Variants in VPS36 observed in about 807,000 individuals in gnomAD.
The protein encoded by VPS36 is vacuolar protein sorting 36 homolog, also known as vacuolar protein-sorting-associated protein 36.
Under a neutral mutation model 63.5 loss-of-function variants are expected in VPS36, and 31 were observed. The observed-to-expected ratio is 0.49, with a 90% CI of 0.37 to 0.66. The LOEUF (loss-of-function observed/expected upper bound fraction) is 0.66. Among genes scored for constraint, VPS36 ranks in the 30% least tolerant of loss-of-function variants. The pLI is 0.00. For missense variants in VPS36, 338 were observed against 463.7 expected (o/e 0.73, Z 2.49); for synonymous variants, 138 against 157.2 (o/e 0.88, Z 0.91).
intron 1 of VPS36, 58 bp downstream of exon 1, chr13:52,450,441 G>T (rs1958390702): frequency 6.6e-7 from 1 of 1,515,518 alleles, no homozygotes; most frequent in Admixed American, 2.0e-5. Flanking sequence ...GAGCCGGGCC[G>T]CGCGCCCACC....
At chr13:52,445,581 G>C (rs1472284883) in intron 1 of VPS36, among the ~76,000 whole-genome samples, 3 of 144,802 alleles carry the variant, frequency 2.1e-5, no homozygotes, top group African/African-American at 7.8e-5. Context: ...GGAGCTTGCA[G>C]AGAGCTGAGA....
intron 2 of VPS36, among the ~76,000 whole-genome samples, chr13:52,440,266 C>T (rs1012663769): frequency 6.6e-6 from 1 of 152,022 alleles, no homozygotes; most frequent in Admixed American, 6.6e-5. Flanking sequence ...AGGCATGAGC[C>T]ACTGTGTCTA....
chr13:52,448,900 G>A (rs1958371090), intron 1 of VPS36, among the ~76,000 whole-genome samples: 1 of 152,162 alleles, frequency 6.6e-6, no homozygotes, highest in Non-Finnish European at 1.5e-5. Context: ...CAAAGGGGAG[G>A]CAAAATCAAA....
At chr13:52,429,920 A>C (rs1197257642) in intron 6 of VPS36, among the ~76,000 whole-genome samples, 1 of 152,148 alleles carries the variant, frequency 6.6e-6, no homozygotes, top group Admixed American at 6.6e-5. Context: ...ATTCACCAGA[A>C]AGGAAGGCAG....
chr13:52,450,202 C>G, intron 1 of VPS36: 3 of 1,047,418 alleles, frequency 2.9e-6, no homozygotes, highest in Non-Finnish European at 3.4e-6. Flanking sequence ...GGCACTGCAG[C>G]TGTGCGCTCC....
chr13:52,433,512 G>T, intron 6 of VPS36, 150 bp downstream of exon 6: 1 of 572,590 alleles, frequency 1.7e-6, no homozygotes, highest in Non-Finnish European at 2.9e-6. Flanking sequence ...TTGCCAGCCC[G>T]AGGTAGACCT....
chr13:52,425,448 G>T (rs61958051), intron 9 of VPS36, among the ~76,000 whole-genome samples: 6,023 of 152,156 alleles, frequency 0.04, 133 homozygotes, highest in South Asian at 0.07. Flanking sequence ...TTGAGTGGAG[G>T]TTGGTTTACA....
At position 52,415,804 on chromosome 13, in the gene VPS36, C is replaced by A; in HGVS notation, c.*26G>T. 1 of 1,609,210 alleles carries A rather than the reference C, an allele frequency of 6.2e-7. No individual in the cohort carries two copies. The highest frequency in any genetic ancestry group is 1.1e-5 in the South Asian group (1 of 90,312). ...CCTCTACATGACGCAAGCATATGGA[C>A]AAAAAGGATTTTAAATACAAAACCC... On this transcript the variant is annotated 3_prime_UTR_variant, in exon 14 of 14. Coordinates refer to ENST00000378060, the MANE Select transcript of VPS36 (RefSeq NM_016075.4).
chr13:52,428,452 T>G (rs576014974), intron 6 of VPS36, among the ~76,000 whole-genome samples: 17 of 152,326 alleles, frequency 1.1e-4, no homozygotes, highest in Middle Eastern at 6.8e-3. Context: ...TGTTGCGTAT[T>G]CTTATGGCCA....
chr13:52,419,151 G>T (rs1011936989), intron 10 of VPS36, among the ~76,000 whole-genome samples: 1 of 152,204 alleles, frequency 6.6e-6, no homozygotes, highest in Non-Finnish European at 1.5e-5. Flanking sequence ...CAGAGCAGGG[G>T]CTTAATTCAT....
intron 6 of VPS36, among the ~76,000 whole-genome samples, chr13:52,427,576 C>T (rs1958115573): frequency 1.3e-5 from 2 of 149,908 alleles, no homozygotes; most frequent in Admixed American, 1.3e-4. Context: ...CACTGCGCTC[C>T]AGCCTGGGCG....
chr13:52,427,070 T>G lies in VPS36; in HGVS notation c.562-4A>C, dbSNP rs761156871. The G allele has an allele frequency of 1.2e-6, 2 of 1,609,804 alleles. No individual in the cohort carries two copies. The highest frequency in any genetic ancestry group is 1.7e-6 in the Non-Finnish European group (2 of 1,178,362). On this transcript the variant is annotated splice_region_variant and splice_polypyrimidine_tract_variant and intron_variant, in intron 7 of 13. Transcript: ENST00000378060. ...ATAATTCCACCATTTCCTTAGCCTG[T>G]CAAATAAAAAGTAAAGACTGAAAAG...
chr13:52,440,494 C>T (rs1337375310), intron 2 of VPS36, among the ~76,000 whole-genome samples: 2 of 151,904 alleles, frequency 1.3e-5, no homozygotes, highest in Admixed American at 6.6e-5. Context: ...GGTTTCTCCA[C>T]GTTGGTCAGG....
At chr13:52,444,646 A>AT (rs1958319813) in intron 1 of VPS36, among the ~76,000 whole-genome samples, 2 of 151,112 alleles carry the variant, frequency 1.3e-5, no homozygotes, top group African/African-American at 4.8e-5. Flanking sequence ...ACAATAAATT[A>AT]TTTATGCGGT....
At chr13:52,415,969 G>A in intron 13 of VPS36, 46 bp from the exon 14 acceptor site, 1 of 1,612,658 alleles carries the variant, frequency 6.2e-7, no homozygotes, top group Non-Finnish European at 8.5e-7. Context: ...ATCTGTTCAT[G>A]CAGACACACA....
Position 52,427,010 on chromosome 13 carries a change from T to C in VPS36, c.618A>G (p.Gln206=), listed in dbSNP as rs1958108897. The C allele has an allele frequency of 6.2e-7, 1 of 1,612,758 alleles. No homozygotes were observed. The highest frequency in any genetic ancestry group is 1.7e-5 in the Admixed American group (1 of 59,838). The change falls in exon 8 of 14, where the codon CAA becomes CAG. Residue 206 remains glutamine (Q), a synonymous_variant. Coordinates refer to ENST00000378060, the MANE Select transcript of VPS36 (RefSeq NM_016075.4). ...TTACCTCATCTTCTGTGATGTCACC[T>C]TGTTTGTCTTTAATTTTATTAGCAA... ...KSIANKIKDK[Q]GDITEDETIR...
intron 2 of VPS36, among the ~76,000 whole-genome samples, chr13:52,440,351 T>C (rs1958264313): frequency 6.6e-6 from 1 of 152,124 alleles, no homozygotes; most frequent in Non-Finnish European, 1.5e-5. Context: ...TGGAGTGCAA[T>C]GGCGCAATCT....
chr13:52,418,880 G>A (rs967292419), intron 10 of VPS36, among the ~76,000 whole-genome samples: 1 of 152,202 alleles, frequency 6.6e-6, no homozygotes, highest in African/African-American at 2.4e-5. Context: ...GACAAGCACA[G>A]CTTTCAGTCC....
At chr13:52,440,270 G>A (rs1250898712) in intron 2 of VPS36, among the ~76,000 whole-genome samples, 1 of 151,918 alleles carries the variant, frequency 6.6e-6, no homozygotes, top group Non-Finnish European at 1.5e-5. Context: ...ATGAGCCACT[G>A]TGTCTAGCCA....
Sources: gnomAD v4.1 joint callset for allele counts (sites outside exome capture counted in the v4.1 genomes callset) on GRCh38, gnomAD v4.1.1 for gene constraint, MANE v1.5 for transcripts, NCBI Gene and HGNC (gene_info 2026-07-23, HGNC 2026-07-21) for gene names.